Variants in GLI2 observed in about 807,000 individuals in gnomAD.
GLI2 encodes the protein transcription activator GLI2.
Under a neutral mutation model 78.9 loss-of-function variants are expected in GLI2, and 22 were observed. That is an observed-to-expected ratio of 0.28 (90% CI 0.20 to 0.40). GLI2 has a LOEUF of 0.40. GLI2 is among the 10% of genes least tolerant of loss of function. The probability of loss-of-function intolerance (pLI) is 1.00; values close to 1 mark genes in which losing one functional copy is unlikely to be tolerated. For missense variants in GLI2, 2,097 were observed against 2,213.2 expected (o/e 0.95, Z 1.05); for synonymous variants, 974 against 963.7 (o/e 1.01, Z -0.20).
chr2:120,862,260 G>A (rs1221322511), intron 2 of GLI2, among the ~76,000 whole-genome samples: 1 of 152,154 alleles, frequency 6.6e-6, no homozygotes, highest in Non-Finnish European at 1.5e-5. Context: ...CTGGCCCAAA[G>A]GCATTTGCTA....
intron 5 of GLI2, among the ~76,000 whole-genome samples, chr2:120,962,686 G>C (rs1249447307): frequency 6.6e-6 from 1 of 152,162 alleles, no homozygotes; most frequent in Non-Finnish European, 1.5e-5. Context: ...TGAGTGCCAG[G>C]CTTTTCTTTC....
chr2:120,851,926 A>G (rs2104611034), intron 2 of GLI2, among the ~76,000 whole-genome samples: 1 of 152,324 alleles, frequency 6.6e-6, no homozygotes, highest in Non-Finnish European at 1.5e-5. Context: ...AAGCTTAGAT[A>G]GCGTGAGCCT....
intron 2 of GLI2, among the ~76,000 whole-genome samples, chr2:120,845,032 G>A (rs1458816783): frequency 6.6e-6 from 1 of 152,102 alleles, no homozygotes; most frequent in Admixed American, 6.5e-5. Flanking sequence ...CAGCACTTTC[G>A]GAGGCTGAGG....
At chr2:120,740,215 A>G (rs1682487967) in intron 1 of GLI2, among the ~76,000 whole-genome samples, 1 of 152,250 alleles carries the variant, frequency 6.6e-6, no homozygotes, top group Non-Finnish European at 1.5e-5. Context: ...TGATAACGGT[A>G]TACTTTCTGT....
At chr2:120,824,598 C>G (rs192441826) in intron 2 of GLI2, among the ~76,000 whole-genome samples, 2 of 151,884 alleles carry the variant, frequency 1.3e-5, no homozygotes, top group Non-Finnish European at 2.9e-5. Flanking sequence ...CCCTTTGGGC[C>G]CCCTTTGGGT....
At chr2:120,955,153 C>CTTTTTT (rs869202442) in intron 4 of GLI2, 92 bp from the exon 5 acceptor site, 5 of 147,088 alleles carry the variant, frequency 3.4e-5, no homozygotes, top group South Asian at 1.1e-4. Flanking sequence ...TTCTCTCTGC[C>CTTTTTT]TTTTTTTTTT....
In GLI2 at chr2:120,989,017, G is replaced by T; in HGVS notation, c.3052G>T (p.Val1018Leu). ...SPRPPSISEN[V>L]AMEAVAAGVD... ...CCGGCCGCCTAGCATCAGCGAGAAC[G>T]TGGCGATGGAGGCCGTGGCGGCAGG... The change falls in exon 14 of 14, where the codon GTG becomes TTG. Residue 1018 changes from valine to leucine, a missense_variant. Physicochemically the swap from Val to Leu is conservative, Grantham distance 32. Coordinates refer to ENST00000361492, the MANE Select transcript of GLI2 (RefSeq NM_001374353.1). 1 of 1,602,714 alleles carries T rather than the reference G, an allele frequency of 6.2e-7. No individual in the cohort carries two copies.
chr2:120,744,869 A>G (rs1682650280), intron 1 of GLI2, among the ~76,000 whole-genome samples: 1 of 152,232 alleles, frequency 6.6e-6, no homozygotes, highest in African/African-American at 2.4e-5. Flanking sequence ...GAATTCCTGC[A>G]GAGTGGGTCC....
At chr2:120,739,837 C>T (rs1202871025) in intron 1 of GLI2, among the ~76,000 whole-genome samples, 4 of 152,248 alleles carry the variant, frequency 2.6e-5, no homozygotes, top group Non-Finnish European at 4.4e-5. Context: ...GTACCAACAA[C>T]CAGAATGTAC....
intron 4 of GLI2, among the ~76,000 whole-genome samples, chr2:120,952,416 C>T (rs1389199257): frequency 6.6e-6 from 1 of 152,206 alleles, no homozygotes; most frequent in African/African-American, 2.4e-5. Flanking sequence ...AGGAATGCAT[C>T]CTCTTCCAAC....
rs549922646 is a variant in GLI2, at chr2:120,913,973, C to A, written c.149-13388C>A. On this transcript the variant is annotated intron_variant, in intron 2 of 13. Transcript: ENST00000361492. ...GCTCTCGGCAGGACGCAAGGCAGGA[C>A]CTATAAGCCAGATCAAGAAACCTCT... 2.6e-5 allele frequency among the ~76,000 whole-genome samples: 4 copies of A among 152,320 alleles called. No homozygotes were observed. The South Asian group carries it at 6.2e-4, about 24-fold the overall frequency.
intron 3 of GLI2, among the ~76,000 whole-genome samples, chr2:120,950,509 T>A (rs926861666): frequency 2.0e-5 from 3 of 151,882 alleles, no homozygotes; most frequent in African/African-American, 7.3e-5. Context: ...CTTGGGGACA[T>A]GGGGGTGGGC....
intron 1 of GLI2, among the ~76,000 whole-genome samples, chr2:120,783,856 A>G (rs184548478): frequency 6.6e-6 from 1 of 152,344 alleles, no homozygotes; most frequent in Non-Finnish European, 1.5e-5. Flanking sequence ...GTTGCTCTTG[A>G]AAACTAGCAA....
intron 3 of GLI2, among the ~76,000 whole-genome samples, chr2:120,927,825 A>G (rs1679762429): frequency 6.6e-6 from 1 of 152,258 alleles, no homozygotes; most frequent in Admixed American, 6.5e-5. Context: ...TTGTTCCAGC[A>G]TAATAATTCA....
rs777551364 is a variant in GLI2 at position 120,989,993 on chromosome 2, G to C, written c.4028G>C (p.Gly1343Ala). 14 of 1,609,982 alleles carry C rather than the reference G, an allele frequency of 8.7e-6. No homozygotes were observed. In the African/African-American group the frequency reaches 9.3e-5, roughly 11 times the overall value. Reference protein sequence around the residue: ...GFMEPQTGPMGVATAGFGLVQ... With the variant: ...GFMEPQTGPMAVATAGFGLVQ... ...ATGGAGCCCCAAACAGGCCCGATGG[G>C]GGTGGCTACAGCAGGCTTTGGCCTA... The change falls in exon 14 of 14, where the codon GGG (glycine) becomes GCG (alanine). Residue 1343 changes from glycine to alanine, a missense_variant. This residue lies in a region of GLI2 where 1,290 missense variants were observed against 1,261.7 expected (regional missense o/e 1.02). Coordinates refer to ENST00000361492, the MANE Select transcript of GLI2 (RefSeq NM_001374353.1).
At position 120,737,250 on chromosome 2, in the gene GLI2, C is replaced by G. The variant is rs1286580077; in HGVS notation, c.-31+965C>G. Among the ~76,000 whole-genome samples the G allele has an allele frequency of 6.6e-6, 1 of 152,034 alleles. No individual in the cohort carries two copies. The highest frequency in any genetic ancestry group is 1.5e-5 in the Non-Finnish European group (1 of 68,002). On this transcript the variant is annotated intron_variant, in intron 1 of 13. Coordinates refer to ENST00000361492, the MANE Select transcript of GLI2 (RefSeq NM_001374353.1). This position sits in a 1 kb window ranked among gnomAD's most constrained non-coding sequence, Gnocchi z 4.3. ...TGTGTGAGTGTGAGCGCGCCCGCCG[C>G]GCTGGAGAGCTGGGAGTCCACCCAG... is the stretch of plus-strand genomic sequence containing the variant.
chr2:120,781,530 C>A (rs753892630), intron 1 of GLI2, among the ~76,000 whole-genome samples: 2 of 152,204 alleles, frequency 1.3e-5, no homozygotes, highest in Non-Finnish European at 2.9e-5. Context: ...CTAATATTTT[C>A]TCTGTATTTA....
At chr2:120,820,525 G>A (rs1320238227) in intron 2 of GLI2, among the ~76,000 whole-genome samples, 2 of 152,216 alleles carry the variant, frequency 1.3e-5, no homozygotes, top group African/African-American at 4.8e-5. Context: ...CTCCGGGGGT[G>A]GGCTCCTGGC....
At chr2:120,882,432 C>T (rs556370362) in intron 2 of GLI2, among the ~76,000 whole-genome samples, 5 of 152,354 alleles carry the variant, frequency 3.3e-5, no homozygotes, top group East Asian at 3.9e-4. Context: ...GGCCTCAGTT[C>T]GCTCGCCTGT....
Sources: gnomAD v4.1 joint callset for allele counts (sites outside exome capture counted in the v4.1 genomes callset) on GRCh38, gnomAD v4.1.1 for gene constraint, gnomAD v4.1.1 regional missense constraint, Gnocchi (gnomAD v3.1) non-coding constraint, MANE v1.5 for transcripts, NCBI Gene and HGNC (gene_info 2026-07-23, HGNC 2026-07-21) for gene names.